The following FEZ1 variants were observed in gnomAD, a reference collection of about 807,000 sequenced individuals.
FEZ1 encodes fasciculation and elongation protein zeta-1.
FEZ1 carries 20 observed loss-of-function variants against 49.3 expected under a neutral mutation model. The observed-to-expected ratio is 0.41, with a 90% CI of 0.29 to 0.59. FEZ1 has a LOEUF of 0.59. Ranked by LOEUF, FEZ1 falls within the 20% of genes least tolerant of loss-of-function variation. The probability of loss-of-function intolerance (pLI) is 0.36; values close to 1 mark genes in which losing one functional copy is unlikely to be tolerated. For synonymous variants in FEZ1, 170 were observed against 180.9 expected, an observed-to-expected ratio of 0.94 and a Z score of 0.48; for missense variants, 413 against 476.0, an observed-to-expected ratio of 0.87 and a Z score of 1.23.
intron 6 of FEZ1, 28 bp downstream of exon 6, chr11:125,455,807 C>T (rs1957005068): frequency 6.2e-7 from 1 of 1,613,150 alleles, no homozygotes. Flanking sequence ...TTGGAGGCAC[C>T]CAGTCTTCCA....
rs1957359160 is a variant in FEZ1, at chr11:125,489,384, A to T, written c.311+83T>A. On this transcript the variant is annotated intron_variant, in intron 2 of 9. Coordinates refer to ENST00000278919, the MANE Select transcript of FEZ1 (RefSeq NM_005103.5). This position sits in a 1 kb window ranked among gnomAD's most constrained non-coding sequence, Gnocchi z 4.2. ...TGAAAGTAATAGCCCATAAACCTAT[A>T]GACAGAAACCAGCACTATGTCAAGG... is the stretch of plus-strand genomic sequence containing the variant. 7.2e-6 allele frequency: 11 copies of T among 1,522,396 alleles called. No homozygotes were observed. The highest frequency in any genetic ancestry group is 1.8e-6 in the Non-Finnish European group (2 of 1,139,098). 94.3% of individuals were successfully genotyped at this position (1,522,396 alleles called of 1,614,324 possible).
Position 125,492,767 on chromosome 11 carries a change from A to G in FEZ1, c.-45-2945T>C, listed in dbSNP as rs541296498. Among the ~76,000 whole-genome samples the G allele has an allele frequency of 5.3e-5, 8 of 152,286 alleles. 1 individual carries two copies. Among genetic ancestry groups the G allele is most frequent in the African/African-American group, 1.9e-4 (8 of 41,560 alleles). On this transcript the variant is annotated intron_variant, in intron 1 of 9. Transcript: ENST00000278919. ...GATCATCTTTGAAGTGTTAAGTACA[A>G]TGTGCAGAATATAGAAAGCATCCAA...
intron 2 of FEZ1, chr11:125,481,893 C>G (rs1440275285): frequency 8.0e-6 from 4 of 500,140 alleles, no homozygotes; most frequent in Non-Finnish European, 1.4e-5. Context: ...CATTGAGATA[C>G]AAATGGCAGC....
At chr11:125,474,103 C>A (rs1957206776) in intron 3 of FEZ1, among the ~76,000 whole-genome samples, 1 of 151,658 alleles carries the variant, frequency 6.6e-6, no homozygotes, top group Non-Finnish European at 1.5e-5. Flanking sequence ...CAACCCACTG[C>A]AACCTCTGCC....
At chr11:125,475,681 CATGACACA>C (rs1387554966) in intron 3 of FEZ1, among the ~76,000 whole-genome samples, 3 of 152,012 alleles carry the variant, frequency 2.0e-5, no homozygotes, top group Non-Finnish European at 2.9e-5. Flanking sequence ...AACAAACCCC[CATGACACA>C]ATTTACCTAT....
At chr11:125,456,449 T>C (rs1957012011) in intron 5 of FEZ1, among the ~76,000 whole-genome samples, 1 of 152,180 alleles carries the variant, frequency 6.6e-6, no homozygotes, top group Non-Finnish European at 1.5e-5. Flanking sequence ...GGGTCAAGAA[T>C]TGGGGATGGA....
rs1269139459 is a variant in FEZ1 at position 125,443,686 on chromosome 11, A to G, written c.*2409T>C. Among the ~76,000 whole-genome samples, 1 of 152,164 alleles carries G rather than the reference A, an allele frequency of 6.6e-6. No homozygotes were observed. The highest frequency in any genetic ancestry group is 1.5e-5 in the Non-Finnish European group (1 of 68,026). ...AAAGCACACTTTGAATAGGAAGAACACAGGGAAGGGCAATGCAAAACCATG... is the reference window on the plus strand; with the variant it reads ...AAAGCACACTTTGAATAGGAAGAACGCAGGGAAGGGCAATGCAAAACCATG... On this transcript the variant is annotated 3_prime_UTR_variant, in exon 10 of 10. Transcript: ENST00000278919.
At chr11:125,458,844 G>A (rs1286215117) in intron 5 of FEZ1, among the ~76,000 whole-genome samples, 5 of 152,038 alleles carry the variant, frequency 3.3e-5, no homozygotes, top group Admixed American at 1.3e-4. Flanking sequence ...CGAGGCAGTC[G>A]GATCACGAGG....
rs755099771 is a variant in FEZ1 at position 125,495,445 on chromosome 11, G to T, written c.-46+676C>A. On this transcript the variant is annotated intron_variant, in intron 1 of 9. Coordinates refer to ENST00000278919, the MANE Select transcript of FEZ1 (RefSeq NM_005103.5). The surrounding 1 kb of genome is among the most constrained non-coding windows in gnomAD (Gnocchi z 4.2). ...TTCCAGAGCCCGGGGCCCACCCGAC[G>T]GCAGCGCGCCCCGCCACCGCGCAGC... is the stretch of plus-strand genomic sequence containing the variant. The T allele has an allele frequency of 3.0e-5, 14 of 470,268 alleles. No individual in the cohort carries two copies. Among genetic ancestry groups the T allele is most frequent in the South Asian group, 1.9e-4 (12 of 64,500 alleles). 29.1% of individuals were successfully genotyped at this position (470,268 alleles called of 1,614,324 possible).
rs1565534934 is a variant in FEZ1 at position 125,460,674 on chromosome 11, A to T, written c.499-8T>A. 7 of 1,612,724 alleles carry T rather than the reference A, an allele frequency of 4.3e-6. No individual in the cohort carries two copies. The highest frequency in any genetic ancestry group is 5.1e-6 in the Non-Finnish European group (6 of 1,179,724). On this transcript the variant is annotated splice_polypyrimidine_tract_variant and splice_region_variant and intron_variant, in intron 4 of 9. Transcript: ENST00000278919. ...CTCAATCTCCTCAATTACCTGAAGAAGGTACACGAGAGAGTGCTAACTCTG... is the reference window on the plus strand; with the variant it reads ...CTCAATCTCCTCAATTACCTGAAGATGGTACACGAGAGAGTGCTAACTCTG...
chr11:125,446,503 G>A (rs540617450), intron 9 of FEZ1, among the ~76,000 whole-genome samples: 19 of 152,186 alleles, frequency 1.2e-4, no homozygotes, highest in Admixed American at 4.6e-4. Flanking sequence ...TCAGTGGCTC[G>A]TGAGGGGTAA....
intron 3 of FEZ1, among the ~76,000 whole-genome samples, chr11:125,473,084 T>C (rs950105039): frequency 6.6e-6 from 1 of 152,160 alleles, no homozygotes; most frequent in Non-Finnish European, 1.5e-5. Context: ...AGAACTTATA[T>C]TACTTTATTT....
rs542440365 is a variant in FEZ1 at position 125,447,773 on chromosome 11, G to A, written c.1162+729C>T. Among the ~76,000 whole-genome samples the A allele has an allele frequency of 6.0e-5, 9 of 149,692 alleles. No homozygotes were observed. The South Asian group carries it at 1.7e-3, about 28-fold the overall frequency. On this transcript the variant is annotated intron_variant, in intron 9 of 9. Transcript: ENST00000278919. ...GGAGGCGGAGGTTGTAGTGAGCTGA[G>A]ATCACGCCATTGCACTCCAGACTGG...
At chr11:125,481,747 C>T in intron 2 of FEZ1, 114 bp from the exon 3 acceptor site, 1 of 770,686 alleles carries the variant, frequency 1.3e-6, no homozygotes, top group Non-Finnish European at 2.3e-6. Context: ...AGGCTGAGAT[C>T]ATCTGCCTTC....
rs1385227061 is a variant in FEZ1, at chr11:125,491,040, C to T, written c.-45-1218G>A. ...AAGTTCTGGGATTACAGGCATGAGC[C>T]ACCGTGCCCAGACAAGCACCCAAGG... On this transcript the variant is annotated intron_variant, in intron 1 of 9. Transcript: ENST00000278919. Among the ~76,000 whole-genome samples the T allele has an allele frequency of 2.0e-5, 3 of 152,204 alleles. No homozygotes were observed. In the East Asian group the frequency reaches 5.8e-4, roughly 29 times the overall value.
Position 125,489,520 on chromosome 11 carries a change from G to T in FEZ1, c.258C>A (p.Pro86=). The change falls in exon 2 of 10, where the codon CCC becomes CCA. Residue 86 remains proline (P), a synonymous_variant. Coordinates refer to ENST00000278919, the MANE Select transcript of FEZ1 (RefSeq NM_005103.5). The surrounding 1 kb of genome is among the most constrained non-coding windows in gnomAD (Gnocchi z 4.2). ...CTTGGATCTGTAACTGGTTCTTCACGGGAGCTAGGTTCTCGGTCTTGGCGT... is the reference window on the plus strand; with the variant it reads ...CTTGGATCTGTAACTGGTTCTTCACTGGAGCTAGGTTCTCGGTCTTGGCGT... ...NYNAKTENLA[P]VKNQLQIQEE... 1.2e-6 allele frequency: 2 copies of T among 1,614,054 alleles called. No individual in the cohort carries two copies. The highest frequency in any genetic ancestry group is 1.7e-6 in the Non-Finnish European group (2 of 1,179,984).
intron 5 of FEZ1, 184 bp from the exon 6 acceptor site, chr11:125,456,290 A>G: frequency 1.8e-6 from 1 of 560,080 alleles, no homozygotes; most frequent in Non-Finnish European, 3.1e-6. Flanking sequence ...GGGCCTGTGT[A>G]CTGACTGCAG....
chr11:125,488,425 A>G (rs867194283), intron 2 of FEZ1, among the ~76,000 whole-genome samples: 29 of 152,324 alleles, frequency 1.9e-4, no homozygotes, highest in South Asian at 4.1e-4. Context: ...TCACGCCTGT[A>G]ATCCCAGCAC....
chr11:125,446,884 A>G (rs1195890806), intron 9 of FEZ1, among the ~76,000 whole-genome samples: 1 of 151,930 alleles, frequency 6.6e-6, no homozygotes, highest in Non-Finnish European at 1.5e-5. Flanking sequence ...CATGTTGCCC[A>G]GGCTGGACAA....
Sources: gnomAD v4.1 joint callset for allele counts (sites outside exome capture counted in the v4.1 genomes callset) on GRCh38, gnomAD v4.1.1 for gene constraint, Gnocchi (gnomAD v3.1) non-coding constraint, MANE v1.5 for transcripts, NCBI Gene and HGNC (gene_info 2026-07-23, HGNC 2026-07-21) for gene names.